Variants in COG5 observed in about 807,000 individuals in gnomAD.
COG5 encodes the protein component of oligomeric golgi complex 5, also known as conserved oligomeric Golgi complex subunit 5.
A neutral mutation model predicts 110.4 loss-of-function variants in COG5; 86 were observed. The ratio of observed to expected loss-of-function variants is 0.78; its 90% confidence interval spans 0.65 to 0.93. COG5 has a LOEUF of 0.93. Ranked by LOEUF, COG5 falls within the 40% of genes least tolerant of loss-of-function variation. COG5 has a pLI of 0.00. For synonymous variants in COG5, 360 were observed against 334.6 expected (o/e 1.08, Z -0.83); for missense variants, 1,077 against 987.0 (o/e 1.09, Z -1.22).
intron 14 of COG5, among the ~76,000 whole-genome samples, chr7:107,262,811 G>A (rs936486684): frequency 3.0e-4 from 45 of 152,142 alleles, no homozygotes; most frequent in African/African-American, 1.0e-3. Flanking sequence ...AATGTCTGCC[G>A]TCCCTACTGC....
intron 5 of COG5, 156 bp downstream of exon 5, chr7:107,547,955 G>A (rs753861244): frequency 1.3e-4 from 84 of 654,928 alleles, no homozygotes; most frequent in Non-Finnish European, 2.0e-4. Flanking sequence ...TATTTTTTGA[G>A]CTAGACATCT....
chr7:107,379,845 C>T (rs1199975430), intron 7 of COG5, among the ~76,000 whole-genome samples: 1 of 152,014 alleles, frequency 6.6e-6, no homozygotes, highest in African/African-American at 2.4e-5. Context: ...GACTTTAATG[C>T]CCCACTGTCA....
intron 5 of COG5, among the ~76,000 whole-genome samples, chr7:107,546,130 T>C (rs923934183): frequency 1.3e-5 from 2 of 151,940 alleles, no homozygotes; most frequent in Non-Finnish European, 2.9e-5. Flanking sequence ...GAGCAACCAA[T>C]GGATCAAAAA....
At chr7:107,370,006 T>C (rs910682326) in intron 8 of COG5, among the ~76,000 whole-genome samples, 1 of 152,182 alleles carries the variant, frequency 6.6e-6, no homozygotes, top group Admixed American at 6.5e-5. Flanking sequence ...ATATTCTTTA[T>C]CCATTTTTTT....
intron 6 of COG5, among the ~76,000 whole-genome samples, chr7:107,502,220 C>A (rs760515450): frequency 1.3e-5 from 2 of 152,026 alleles, no homozygotes; most frequent in African/African-American, 4.8e-5. Context: ...TAAGTCTTTG[C>A]GTATTCTTAG....
In COG5 at chr7:107,362,103, T is replaced by C. The variant is rs1257012950; in HGVS notation, c.956A>G (p.His319Arg). Residue 319 changes from histidine to arginine, a missense_variant, in exon 10 of 22, where the codon CAT becomes CGT. Coordinates refer to ENST00000297135, the MANE Select transcript of COG5 (RefSeq NM_006348.5). ...HIYAVCGQVQ[H>R]LQKVLAKKRD... ...CTTCTTGGCCAATACTTTTTGTAGA[T>C]GTTGTACCTTAAATGAAACAAATGT... 6.2e-7 allele frequency: 1 copy of C among 1,605,750 alleles called. No homozygotes were observed. Among genetic ancestry groups the C allele is most frequent in the Admixed American group, 1.7e-5 (1 of 59,640 alleles).
chr7:107,363,955 C>CA (rs34287367), intron 8 of COG5, among the ~76,000 whole-genome samples: 283 of 108,936 alleles, frequency 2.6e-3, no homozygotes, highest in Non-Finnish European at 3.0e-3. Context: ...AACTCCATCT[C>CA]AAAAAAAAAA....
chr7:107,505,368 C>A (rs931246665), intron 6 of COG5, among the ~76,000 whole-genome samples: 1 of 152,158 alleles, frequency 6.6e-6, no homozygotes, highest in Non-Finnish European at 1.5e-5. Context: ...CCTTAGCTCC[C>A]TTGTCAGGCT....
chr7:107,406,458 A>G (rs1791843878), intron 7 of COG5, among the ~76,000 whole-genome samples: 1 of 152,228 alleles, frequency 6.6e-6, no homozygotes, highest in South Asian at 2.1e-4. Flanking sequence ...TTTAAGGAAT[A>G]CTAACTTCCT....
chr7:107,215,755 T>C (rs1799484081), intron 19 of COG5, among the ~76,000 whole-genome samples: 1 of 151,688 alleles, frequency 6.6e-6, no homozygotes, highest in South Asian at 2.1e-4. Flanking sequence ...GAGTCTTGCT[T>C]TGTAGCCCAG....
At chr7:107,560,180 A>C (rs1464438028) in intron 1 of COG5, among the ~76,000 whole-genome samples, 1 of 152,210 alleles carries the variant, frequency 6.6e-6, no homozygotes, top group Non-Finnish European at 1.5e-5. Flanking sequence ...AAAATCTACG[A>C]TGGTGAGAGT....
rs142728612 is a variant in COG5, at chr7:107,256,770, G to C, written c.1711C>G (p.Pro571Ala). 4 of 1,611,088 alleles carry C rather than the reference G, an allele frequency of 2.5e-6. No individual in the cohort carries two copies. The highest frequency in any genetic ancestry group is 3.4e-6 in the Non-Finnish European group (4 of 1,178,126). The change falls in exon 16 of 22, where the codon CCA becomes GCA. Residue 571 changes from proline to alanine, a missense_variant. Coordinates refer to ENST00000297135, the MANE Select transcript of COG5 (RefSeq NM_006348.5). ...TKVVSSQSSFPLAAEQTIISA... is the reference protein window; with the variant it reads ...TKVVSSQSSFALAAEQTIISA... ...ATTATAGTTTGCTCAGCTGCCAGTG[G>C]GAATGAGCTCTGACTGGAAACAACC...
chr7:107,365,653 AT>A (rs1281542942), intron 8 of COG5, among the ~76,000 whole-genome samples: 1 of 149,262 alleles, frequency 6.7e-6, no homozygotes, highest in Non-Finnish European at 1.5e-5. Context: ...TAAGGAATTG[AT>A]ATTTATGTTG....
intron 17 of COG5, among the ~76,000 whole-genome samples, chr7:107,239,753 ATGT>A (rs553651505): frequency 6.8e-4 from 103 of 152,282 alleles, no homozygotes; most frequent in African/African-American, 2.5e-3. Flanking sequence ...GTTCAGGTGC[ATGT>A]TGTTTAAGTT....
At position 107,386,562 on chromosome 7, in the gene COG5, G is replaced by C. The variant is rs1316068800; in HGVS notation, c.670-13802C>G. 2.6e-5 allele frequency among the ~76,000 whole-genome samples: 4 copies of C among 152,130 alleles called. No homozygotes were observed. The South Asian group carries it at 6.2e-4, about 24-fold the overall frequency. ...GCCCACTCGGGATCTCCAAGTTTGG[G>C]GGGGATTGTTCAGGCTGAGGGTTCA... On this transcript the variant is annotated intron_variant, in intron 7 of 21. Coordinates refer to ENST00000297135, the MANE Select transcript of COG5 (RefSeq NM_006348.5).
At chr7:107,511,081 G>A (rs10255867) in intron 6 of COG5, among the ~76,000 whole-genome samples, 4 of 139,528 alleles carry the variant, frequency 2.9e-5, no homozygotes, top group South Asian at 2.2e-4. Flanking sequence ...ACAAAATACC[G>A]TTCAAAAAAT....
chr7:107,358,003 C>T (rs752497422), intron 10 of COG5, among the ~76,000 whole-genome samples: 10 of 152,108 alleles, frequency 6.6e-5, no homozygotes, highest in Non-Finnish European at 1.3e-4. Context: ...GCACAAGTTG[C>T]CAGTGTTCAT....
intron 17 of COG5, among the ~76,000 whole-genome samples, chr7:107,245,312 G>A (rs530600273): frequency 4.6e-5 from 7 of 152,290 alleles, no homozygotes; most frequent in African/African-American, 1.4e-4. Flanking sequence ...ACAAGACAAG[G>A]ATGCCCTCTT....
chr7:107,561,932 C>T (rs1388089642), intron 1 of COG5, among the ~76,000 whole-genome samples: 1 of 151,748 alleles, frequency 6.6e-6, no homozygotes, highest in African/African-American at 2.4e-5. Flanking sequence ...GCCGAGACTG[C>T]GCCACTGCAC....
Sources: gnomAD v4.1 joint callset for allele counts (sites outside exome capture counted in the v4.1 genomes callset) on GRCh38, gnomAD v4.1.1 for gene constraint, MANE v1.5 for transcripts, NCBI Gene and HGNC (gene_info 2026-07-23, HGNC 2026-07-21) for gene names.